The following BTBD16 variants were observed in gnomAD, a reference collection of about 807,000 sequenced individuals.
The protein encoded by BTBD16 is BTB/POZ domain-containing protein 16.
BTBD16 carries 66 observed loss-of-function variants against 67.4 expected under a neutral mutation model. That is an observed-to-expected ratio of 0.98 (90% CI 0.80 to 1.20). The LOEUF (loss-of-function observed/expected upper bound fraction) is 1.20, where lower values mean the gene tolerates loss of function less well. Among genes scored for constraint, BTBD16 ranks in the 50% most tolerant of loss-of-function variants. BTBD16 has a pLI of 0.00. For missense variants in BTBD16, 634 were observed against 616.0 expected, an observed-to-expected ratio of 1.03 and a Z score of -0.31; for synonymous variants, 242 against 236.4, an observed-to-expected ratio of 1.02 and a Z score of -0.22.
In BTBD16 at chr10:122,325,904, G is replaced by A. The variant is rs577434852; in HGVS notation, c.912-3576G>A. Among the ~76,000 whole-genome samples the A allele has an allele frequency of 2.2e-3, 342 of 152,110 alleles. 1 individual carries two copies. Among genetic ancestry groups the A allele is most frequent in the South Asian group, 0.011 (51 of 4,818 alleles). ...TTGGCCAGGCTGGTCTCCAACTCCT[G>A]ACCTCAGGTGATTCACCCACCTCGG... On this transcript the variant is annotated intron_variant, in intron 10 of 15. Transcript: ENST00000260723.
intron 10 of BTBD16, among the ~76,000 whole-genome samples, chr10:122,327,242 T>C (rs6585812): frequency 0.47 from 71,635 of 151,970 alleles, 17,046 homozygotes; most frequent in East Asian, 0.64. Context: ...CTTTCTATCT[T>C]TGAGGTGGCC....
At chr10:122,280,444 C>T (rs938989197) in intron 3 of BTBD16, among the ~76,000 whole-genome samples, 3 of 152,084 alleles carry the variant, frequency 2.0e-5, no homozygotes, top group African/African-American at 7.2e-5. Flanking sequence ...TTGTCCCCAG[C>T]TGGTGAGGCT....
chr10:122,277,280 T>C (rs1401305770), intron 3 of BTBD16, among the ~76,000 whole-genome samples: 2 of 152,018 alleles, frequency 1.3e-5, no homozygotes, highest in Non-Finnish European at 2.9e-5. Flanking sequence ...TAGTCCTGGC[T>C]CAGTGTTTAG....
At chr10:122,277,329 CCTCT>C (rs2096343038) in intron 3 of BTBD16, among the ~76,000 whole-genome samples, 1 of 152,010 alleles carries the variant, frequency 6.6e-6, no homozygotes. Context: ...ATGAATTGAT[CCTCT>C]CTCAATCTCA....
chr10:122,331,236 T>C lies in BTBD16; in HGVS notation c.1064T>C (p.Val355Ala). The C allele has an allele frequency of 6.2e-7, 1 of 1,613,990 alleles. No homozygotes were observed. The highest frequency in any genetic ancestry group is 8.5e-7 in the Non-Finnish European group (1 of 1,179,964). ...TTCCCAGAGTCATGGCTCGACCAGG[T>C]TACAGTCAACCATTACCACGCAGTG... ...NFFPESWLDQ[V>A]TVNHYHALEN... Residue 355 changes from valine (V) to alanine (A), a missense_variant, in exon 12 of 16, where the codon GTT becomes GCT. Coordinates refer to ENST00000260723, the MANE Select transcript of BTBD16 (RefSeq NM_144587.5).
rs1028640164 is a variant in BTBD16 at position 122,299,217 on chromosome 10, T to C, written c.791+83T>C. 3.0e-5 allele frequency: 45 copies of C among 1,499,984 alleles called. No individual in the cohort carries two copies. In the African/African-American group the frequency reaches 4.7e-4, roughly 16 times the overall value. The allele number at this position is 1,499,984 out of a possible 1,614,324, so 92.9% of individuals were successfully genotyped here. On this transcript the variant is annotated intron_variant, in intron 9 of 15. Coordinates refer to ENST00000260723, the MANE Select transcript of BTBD16 (RefSeq NM_144587.5). ...CAGGCTGGGGAGGGAGGTGCTCTGA[T>C]GGAGGCTGCACCCCCACCTTAAGCT...
At chr10:122,332,793 A>T in intron 13 of BTBD16, 1 of 983,624 alleles carries the variant, frequency 1.0e-6, no homozygotes, top group East Asian at 1.1e-4. Context: ...GTAGGACTTC[A>T]ATTCTAAAAC....
intron 7 of BTBD16, among the ~76,000 whole-genome samples, chr10:122,295,934 T>G (rs1357087226): frequency 6.6e-6 from 1 of 151,872 alleles, no homozygotes; most frequent in Non-Finnish European, 1.5e-5. Context: ...CATGAATACA[T>G]GAAATGAAGC....
intron 9 of BTBD16, among the ~76,000 whole-genome samples, chr10:122,306,133 G>T (rs1321979710): frequency 6.6e-6 from 1 of 152,220 alleles, no homozygotes; most frequent in African/African-American, 2.4e-5. Flanking sequence ...AAGCCAAAGA[G>T]TCAGAACCAT....
chr10:122,315,664 G>C (rs77330238), intron 10 of BTBD16, among the ~76,000 whole-genome samples: 3,582 of 152,230 alleles, frequency 0.024, 140 homozygotes, highest in African/African-American at 0.081. Flanking sequence ...TTTAGTTATA[G>C]ATAGAATGTT....
At position 122,299,020 on chromosome 10, in the gene BTBD16, T is replaced by A. The variant is rs747901565; in HGVS notation, c.677T>A (p.Leu226His). 8.1e-6 allele frequency: 13 copies of A among 1,613,790 alleles called. No homozygotes were observed. The highest frequency in any genetic ancestry group is 2.7e-5 in the African/African-American group (2 of 74,888). The change falls in exon 9 of 16, where the codon CTC (leucine) becomes CAC (histidine). Residue 226 changes from leucine (L) to histidine (H), a missense_variant. Transcript: ENST00000260723. ...EAGCKYKEEQ[L>H]TTGCEKWLEM... Reference sequence around the variant, plus strand: ...TTGTCTTAGTACAAGGAAGAGCAGCTCACCACCGGCTGCGAGAAGTGGCTG... The same window carrying A: ...TTGTCTTAGTACAAGGAAGAGCAGCACACCACCGGCTGCGAGAAGTGGCTG...
At position 122,289,918 on chromosome 10, in the gene BTBD16, CTAAGA is replaced by C; in HGVS notation, c.396_400del (p.Lys133AspfsTer18). The stretch of plus-strand genomic sequence containing the variant: ...TCATTTCCTTTACTAGCTCAATCAC[CTAAGA>C]AGACCAAAGAAAAATCCCCTGCAAA... On this transcript the variant is annotated frameshift_variant, in exon 6 of 16. Coordinates refer to ENST00000260723, the MANE Select transcript of BTBD16 (RefSeq NM_144587.5). LOFTEE classifies it high-confidence loss of function. The C allele has an allele frequency of 2.5e-6, 4 of 1,613,430 alleles. No individual in the cohort carries two copies. The highest frequency in any genetic ancestry group is 3.4e-6 in the Non-Finnish European group (4 of 1,179,666).
intron 2 of BTBD16, among the ~76,000 whole-genome samples, chr10:122,276,357 C>A (rs7893508): frequency 0.12 from 18,295 of 152,134 alleles, 1,980 homozygotes; most frequent in African/African-American, 0.29. Context: ...AAAATAGATA[C>A]AATTTTATGT....
At chr10:122,278,938 G>T (rs564952723) in intron 3 of BTBD16, among the ~76,000 whole-genome samples, 1 of 152,202 alleles carries the variant, frequency 6.6e-6, no homozygotes, top group Non-Finnish European at 1.5e-5. Flanking sequence ...ACAGCAGAGG[G>T]CATGAGGGTA....
intron 4 of BTBD16, among the ~76,000 whole-genome samples, chr10:122,284,821 C>T (rs2096360444): frequency 6.6e-6 from 1 of 152,112 alleles, no homozygotes; most frequent in African/African-American, 2.4e-5. Flanking sequence ...AGACCATCTC[C>T]TGGCATGAGA....
chr10:122,331,218 A>G lies in BTBD16; in HGVS notation c.1046A>G (p.Glu349Gly). The G allele has an allele frequency of 6.2e-7, 1 of 1,613,666 alleles. No individual in the cohort carries two copies. Among genetic ancestry groups the G allele is most frequent in the Middle Eastern group, 1.6e-4 (1 of 6,062 alleles). ...EVLRHLNFFP[E>G]SWLDQVTVNH... ...CTGCGGCACCTTAACTTCTTCCCAG[A>G]GTCATGGCTCGACCAGGTTACAGTC... Residue 349 changes from glutamate (E) to glycine (G), a missense_variant, in exon 12 of 16, where the codon GAG becomes GGG. Transcript: ENST00000260723.
chr10:122,300,109 A>G (rs1792370122), intron 9 of BTBD16, among the ~76,000 whole-genome samples: 1 of 152,178 alleles, frequency 6.6e-6, no homozygotes, highest in Admixed American at 6.5e-5. Context: ...TACCAATATA[A>G]ATAGCACACT....
intron 10 of BTBD16, among the ~76,000 whole-genome samples, chr10:122,310,639 G>A (rs2096412140): frequency 6.6e-6 from 1 of 152,224 alleles, no homozygotes; most frequent in Non-Finnish European, 1.5e-5. Flanking sequence ...GCAGACCCCA[G>A]GGGAGACAGT....
At chr10:122,323,465 G>T (rs1290708208) in intron 10 of BTBD16, among the ~76,000 whole-genome samples, 2 of 152,288 alleles carry the variant, frequency 1.3e-5, no homozygotes, top group Middle Eastern at 3.4e-3. Context: ...TCCTTTTATG[G>T]TATGTGGGAC....
Sources: allele counts gnomAD v4.1 joint callset (sites outside exome capture counted in the v4.1 genomes callset), GRCh38; gene constraint gnomAD v4.1.1; transcripts MANE v1.5; gene names NCBI Gene and HGNC (gene_info 2026-07-23, HGNC 2026-07-21).